AIG1: variants seen among roughly 807,000 people sequenced by gnomAD.
AIG1 encodes androgen-induced gene 1 protein.
AIG1 carries 23 observed loss-of-function variants against 31.4 expected under a neutral mutation model. The observed-to-expected ratio is 0.73, with a 90% CI of 0.53 to 1.04. The LOEUF (loss-of-function observed/expected upper bound fraction) is 1.04, where lower values mean the gene tolerates loss of function less well. AIG1 is among the 50% of genes least tolerant of loss of function. The probability of loss-of-function intolerance (pLI) is 0.00; values close to 1 mark genes in which losing one functional copy is unlikely to be tolerated. For missense variants in AIG1, 274 were observed against 295.0 expected (o/e 0.93, Z 0.52); for synonymous variants, 100 against 110.5 (o/e 0.90, Z 0.60).
chr6:143,076,814 G>T (rs1777774228), intron 1 of AIG1, among the ~76,000 whole-genome samples: 2 of 151,902 alleles, frequency 1.3e-5, no homozygotes, highest in Non-Finnish European at 2.9e-5. Flanking sequence ...TGAGACTGCA[G>T]GCACCTACCA....
In AIG1 at chr6:143,246,672, C is replaced by T. The variant is rs147225447; in HGVS notation, c.400-37438C>T. ...GTGGAGTTCATAAAATAATAGCCAA[C>T]ATTTACTGAGCACTTACATACCGTG... On this transcript the variant is annotated intron_variant, in intron 3 of 5. Transcript: ENST00000357847. Among the ~76,000 whole-genome samples, 4 of 152,326 alleles carry T rather than the reference C, an allele frequency of 2.6e-5. No homozygotes were observed. In the East Asian group the frequency reaches 7.7e-4, roughly 29 times the overall value.
At chr6:143,305,632 G>A (rs1387947561) in intron 4 of AIG1, among the ~76,000 whole-genome samples, 1 of 152,112 alleles carries the variant, frequency 6.6e-6, no homozygotes, top group East Asian at 1.9e-4. Flanking sequence ...GCTGAGGAGA[G>A]CTTTACTTCC....
chr6:143,227,642 T>C (rs78554660), intron 3 of AIG1, among the ~76,000 whole-genome samples: 1 of 152,198 alleles, frequency 6.6e-6, no homozygotes, highest in African/African-American at 2.4e-5. Flanking sequence ...ATTTTTTTTT[T>C]CAACATGGAA....
chr6:143,153,832 A>G (rs1325851341), intron 2 of AIG1, among the ~76,000 whole-genome samples: 2 of 151,988 alleles, frequency 1.3e-5, no homozygotes, highest in South Asian at 2.1e-4. Flanking sequence ...AGTTCTGACT[A>G]TATGCAGGTT....
chr6:143,107,005 T>C (rs1042118394), intron 1 of AIG1, among the ~76,000 whole-genome samples: 17 of 152,234 alleles, frequency 1.1e-4, no homozygotes, highest in African/African-American at 3.1e-4. Context: ...TACCCTCACA[T>C]TGGGTGTGGA....
intron 3 of AIG1, among the ~76,000 whole-genome samples, chr6:143,213,864 A>C (rs1249228504): frequency 6.6e-6 from 1 of 152,066 alleles, no homozygotes; most frequent in Non-Finnish European, 1.5e-5. Context: ...ACAAGTTAAA[A>C]AATTAAAATT....
Position 143,224,004 on chromosome 6 carries a change from T to C in AIG1, c.399+58821T>C, listed in dbSNP as rs529368000. Among the ~76,000 whole-genome samples the C allele has an allele frequency of 1.6e-4, 25 of 152,204 alleles. No individual in the cohort carries two copies. In the South Asian group the frequency reaches 5.2e-3, roughly 32 times the overall value. Reference sequence around the variant, plus strand: ...TAAGACCTCCTCCTCCTCCCGAACGTCTCCTGCCTGCCCTGCCTCTTCTGT... The same window carrying C: ...TAAGACCTCCTCCTCCTCCCGAACGCCTCCTGCCTGCCCTGCCTCTTCTGT... On this transcript the variant is annotated intron_variant, in intron 3 of 5. Coordinates refer to ENST00000357847, the MANE Select transcript of AIG1 (RefSeq NM_016108.4).
chr6:143,208,645 G>A (rs142786460), intron 3 of AIG1, among the ~76,000 whole-genome samples: 39 of 152,154 alleles, frequency 2.6e-4, no homozygotes, highest in Middle Eastern at 6.8e-3. Context: ...ATCAAGCAAC[G>A]CTGCAGAAAT....
At chr6:143,158,443 C>T (rs1562440205) in intron 2 of AIG1, among the ~76,000 whole-genome samples, 1 of 152,134 alleles carries the variant, frequency 6.6e-6, no homozygotes. Context: ...CATCAGTCTC[C>T]CCATGTCCTT....
chr6:143,118,160 C>T (rs1312525687), intron 1 of AIG1, among the ~76,000 whole-genome samples: 5 of 152,030 alleles, frequency 3.3e-5, no homozygotes, highest in East Asian at 1.9e-4. Context: ...GGCTCACGCC[C>T]GGTGAGCACA....
In AIG1 at chr6:143,165,110, A is replaced by T. The variant is rs1424945016; in HGVS notation, c.326A>T (p.Tyr109Phe). The T allele has an allele frequency of 1.9e-6, 3 of 1,613,412 alleles. No homozygotes were observed. Among genetic ancestry groups the T allele is most frequent in the African/African-American group, 2.7e-5 (2 of 74,890 alleles). Reference sequence around the variant, plus strand: ...GTTGTAGCAGTGTTCTGGATCATTTATGCCTATGACAGAGAGATGATATAC... The same window carrying T: ...GTTGTAGCAGTGTTCTGGATCATTTTTGCCTATGACAGAGAGATGATATAC... ...VFVVAVFWII[Y>F]AYDREMIYPK... is the part of the protein sequence containing the mutation. The change falls in exon 3 of 6, where the codon TAT becomes TTT. Residue 109 changes from tyrosine (Y) to phenylalanine (F), a missense_variant. Physicochemically the swap from Tyr to Phe is conservative, Grantham distance 22 (BLOSUM62 3). Around this residue, in one of 2 missense-constraint regions of AIG1, gnomAD observed 243 missense variants for 238.5 expected, o/e 1.02. Coordinates refer to ENST00000357847, the MANE Select transcript of AIG1 (RefSeq NM_016108.4).
intron 3 of AIG1, among the ~76,000 whole-genome samples, chr6:143,212,006 A>G (rs1028311596): frequency 1.3e-5 from 2 of 151,846 alleles, no homozygotes; most frequent in African/African-American, 4.8e-5. Context: ...CCTCAGCATT[A>G]TTGACTATTT....
chr6:143,342,937 T>C, downstream of AIG1: 2 of 946,154 alleles, frequency 2.1e-6, no homozygotes, highest in Non-Finnish European at 3.5e-6. Flanking sequence ...TTTGTGGAGC[T>C]TCTCCTTCAG....
intron 2 of AIG1, among the ~76,000 whole-genome samples, chr6:143,147,128 A>G (rs1194275927): frequency 2.0e-5 from 3 of 152,178 alleles, no homozygotes; most frequent in Non-Finnish European, 4.4e-5. Flanking sequence ...CTACGTTGGT[A>G]CTTGATTTAC....
intron 3 of AIG1, among the ~76,000 whole-genome samples, chr6:143,272,563 G>A (rs1420191239): frequency 1.3e-5 from 2 of 152,146 alleles, no homozygotes; most frequent in African/African-American, 2.4e-5. Flanking sequence ...CTGTGGCCCC[G>A]CCTAACTGAG....
chr6:143,164,881 CAGAG>C, intron 2 of AIG1, 197 bp from the exon 3 acceptor site: 1 of 455,278 alleles, frequency 2.2e-6, no homozygotes, highest in South Asian at 3.0e-5. Context: ...ATTCGGAGAT[CAGAG>C]AGAGAGGAGG....
At chr6:143,230,423 G>A (rs1357292803) in intron 3 of AIG1, among the ~76,000 whole-genome samples, 2 of 149,654 alleles carry the variant, frequency 1.3e-5, no homozygotes, top group East Asian at 3.9e-4. Context: ...TAAAAATACT[G>A]ATTACCTGTT....
At chr6:143,274,798 C>G (rs114911914) in intron 3 of AIG1, among the ~76,000 whole-genome samples, 2 of 152,156 alleles carry the variant, frequency 1.3e-5, no homozygotes, top group African/African-American at 2.4e-5. Context: ...TTCTACACTA[C>G]CTTTGACAAG....
chr6:143,072,540 T>C (rs1583067259), intron 1 of AIG1, among the ~76,000 whole-genome samples: 1 of 152,264 alleles, frequency 6.6e-6, no homozygotes. Flanking sequence ...GAGGAAAACA[T>C]GTAGTCTTTT....
Sources: allele counts gnomAD v4.1 joint callset (sites outside exome capture counted in the v4.1 genomes callset), GRCh38; gene constraint gnomAD v4.1.1; regional missense constraint gnomAD v4.1.1; transcripts MANE v1.5; gene names NCBI Gene and HGNC (gene_info 2026-07-23, HGNC 2026-07-21).